Variants in PPM1L observed in about 807,000 individuals in gnomAD.
PPM1L encodes protein phosphatase, Mg2+/Mn2+ dependent 1L, also known as protein phosphatase 1L.
Under a neutral mutation model 31.4 loss-of-function variants are expected in PPM1L, and 13 were observed. That is an observed-to-expected ratio of 0.41 (90% confidence interval 0.27 to 0.66). The LOEUF (loss-of-function observed/expected upper bound fraction) is 0.66. Among genes scored for constraint, PPM1L ranks in the 30% least tolerant of loss-of-function variants. PPM1L has a pLI of 0.29. For synonymous variants in PPM1L, 184 were observed against 175.4 expected (o/e 1.05, Z -0.39); for missense variants, 326 against 453.7 (o/e 0.72, Z 2.56).
chr3:160,944,857 T>A lies in PPM1L; in HGVS notation c.400-16879T>A, dbSNP rs1250498346. Among the ~76,000 whole-genome samples, 8 of 42,596 alleles carry A rather than the reference T, an allele frequency of 1.9e-4. 1 individual carries two copies. The highest frequency in any genetic ancestry group is 5.2e-4 in the African/African-American group (8 of 15,466). 27.9% of individuals were successfully genotyped at this position (42,596 alleles called of 152,430 possible). A position where few individuals can be genotyped will look rare whatever the true frequency, so the allele number is the denominator to read the frequency against. On this transcript the variant is annotated intron_variant, in intron 1 of 3. Coordinates refer to ENST00000498165, the MANE Select transcript of PPM1L (RefSeq NM_139245.4). ...ATATATATGTTATATATAACATATA[T>A]TATATATAATGTTATATATAACATA... is the stretch of plus-strand genomic sequence containing the variant.
intron 2 of PPM1L, among the ~76,000 whole-genome samples, chr3:161,047,430 T>G (rs1719120537): frequency 6.6e-6 from 1 of 152,004 alleles, no homozygotes; most frequent in Non-Finnish European, 1.5e-5. Context: ...CTCAACAAAA[T>G]AAAAGAGGTT....
intron 1 of PPM1L, among the ~76,000 whole-genome samples, chr3:160,770,171 A>T (rs571558495): frequency 6.6e-6 from 1 of 152,218 alleles, no homozygotes; most frequent in Non-Finnish European, 1.5e-5. Flanking sequence ...CTTTTTTAAA[A>T]AGATATGCCA....
At position 160,756,752 on chromosome 3, in the gene PPM1L, CGTGTGTGTGTGT is replaced by C. The variant is rs113273287; in HGVS notation, c.399+72_399+83del. The C allele has an allele frequency of 9.1e-5, 93 of 1,016,680 alleles. No individual in the cohort carries two copies. The highest frequency in any genetic ancestry group is 5.8e-4 in the African/African-American group (32 of 55,386). 63.0% of individuals were successfully genotyped at this position (1,016,680 alleles called of 1,614,324 possible). ...TTTGTATTTGTGTCCGTGTATGTCT[CGTGTGTGTGTGT>C]GTGTGTGTGTGTGTGTGTGTGTGTG... On this transcript the variant is annotated intron_variant, in intron 1 of 3. Transcript: ENST00000498165. The surrounding 1 kb of genome is among the most constrained non-coding windows in gnomAD (Gnocchi z 6.2).
chr3:160,900,690 C>A (rs902491160), intron 1 of PPM1L, among the ~76,000 whole-genome samples: 1 of 152,010 alleles, frequency 6.6e-6, no homozygotes, highest in African/African-American at 2.4e-5. Context: ...ATAATAATTA[C>A]ATGTATTTAA....
At chr3:160,867,506 T>C (rs1712134589) in intron 1 of PPM1L, among the ~76,000 whole-genome samples, 1 of 148,298 alleles carries the variant, frequency 6.7e-6, no homozygotes, top group South Asian at 2.1e-4. Context: ...TACTTGACAC[T>C]TTCTTCACAT....
At chr3:160,762,630 G>A (rs1714998684) in intron 1 of PPM1L, among the ~76,000 whole-genome samples, 1 of 152,176 alleles carries the variant, frequency 6.6e-6, no homozygotes, top group Admixed American at 6.5e-5. Context: ...GACTGAAGGA[G>A]CTTGGGAAAT....
chr3:161,006,978 G>A (rs6806015), intron 2 of PPM1L, among the ~76,000 whole-genome samples: 45,760 of 152,052 alleles, frequency 0.3, 7,308 homozygotes, highest in East Asian at 0.63. Context: ...CACCGCGCCC[G>A]GCCCCCTACC....
chr3:160,898,891 T>C (rs570889162), intron 1 of PPM1L, among the ~76,000 whole-genome samples: 1 of 152,298 alleles, frequency 6.6e-6, no homozygotes, highest in African/African-American at 2.4e-5. Flanking sequence ...TAAGTTAACA[T>C]GCTCAAGATT....
chr3:161,061,776 C>T (rs2108107208), intron 2 of PPM1L, among the ~76,000 whole-genome samples: 1 of 152,258 alleles, frequency 6.6e-6, no homozygotes, highest in Non-Finnish European at 1.5e-5. Flanking sequence ...AACCAATCAC[C>T]AGCAGATCCC....
At chr3:160,987,802 T>C (rs992989391) in intron 2 of PPM1L, among the ~76,000 whole-genome samples, 1 of 152,224 alleles carries the variant, frequency 6.6e-6, no homozygotes, top group Non-Finnish European at 1.5e-5. Context: ...TCATTTCTGA[T>C]AGTAATGAAC....
intron 2 of PPM1L, 119 bp from the exon 3 acceptor site, chr3:161,065,284 G>A: frequency 2.2e-6 from 2 of 916,794 alleles, no homozygotes; most frequent in South Asian, 3.2e-5. Flanking sequence ...AGTGGCTGGA[G>A]TCAAATTCTC....
At chr3:160,854,480 G>C (rs917714371) in intron 1 of PPM1L, among the ~76,000 whole-genome samples, 3 of 152,116 alleles carry the variant, frequency 2.0e-5, no homozygotes, top group African/African-American at 7.2e-5. Context: ...GGAAAGCCTT[G>C]AATACCAGGC....
At position 160,786,127 on chromosome 3, in the gene PPM1L, T is replaced by TTC. The variant is rs147384969; in HGVS notation, c.399+29450_399+29451dup. On this transcript the variant is annotated intron_variant, in intron 1 of 3. Coordinates refer to ENST00000498165, the MANE Select transcript of PPM1L (RefSeq NM_139245.4). Reference sequence around the variant, plus strand: ...GTTGGATAAAGATGGAATCTCATTTTTCTCTCTCTCTCTCTCTCTCTCTCT... The same window carrying TTC: ...GTTGGATAAAGATGGAATCTCATTTTTCTCTCTCTCTCTCTCTCTCTCTCTCT... 4.8e-3 allele frequency among the ~76,000 whole-genome samples: 500 copies of TTC among 103,952 alleles called. 7 individuals are homozygous for TTC. Among genetic ancestry groups the TTC allele is most frequent in the Middle Eastern group, 0.019 (4 of 212 alleles). The allele number at this position is 103,952 out of a possible 152,430, so 68.2% of individuals were successfully genotyped here.
At chr3:160,975,741 T>A (rs1479321299) in intron 2 of PPM1L, among the ~76,000 whole-genome samples, 2 of 152,242 alleles carry the variant, frequency 1.3e-5, no homozygotes, top group Non-Finnish European at 1.5e-5. Context: ...GAGACTTTGC[T>A]AAAGTTGCTA....
intron 1 of PPM1L, among the ~76,000 whole-genome samples, chr3:160,781,289 A>G (rs1417676870): frequency 1.3e-5 from 2 of 152,154 alleles, no homozygotes; most frequent in East Asian, 3.8e-4. Flanking sequence ...GGATGGCCTT[A>G]TTATATGCTT....
chr3:161,051,312 AGTACTTT>A (rs973468396), intron 2 of PPM1L, among the ~76,000 whole-genome samples: 4 of 152,010 alleles, frequency 2.6e-5, no homozygotes, highest in Non-Finnish European at 4.4e-5. Context: ...GAAAACACCG[AGTACTTT>A]GTACATAGTA....
chr3:161,046,957 C>T (rs1050103615), intron 2 of PPM1L, among the ~76,000 whole-genome samples: 4 of 152,148 alleles, frequency 2.6e-5, no homozygotes, highest in African/African-American at 9.6e-5. Context: ...ATAAGAGCTA[C>T]TTATGACAAA....
intron 1 of PPM1L, among the ~76,000 whole-genome samples, chr3:160,786,187 GTATA>G (rs1190262298): frequency 5.1e-4 from 20 of 39,442 alleles, no homozygotes; most frequent in Admixed American, 2.0e-3. Flanking sequence ...GTGTGTGTGT[GTATA>G]TATATATATA....
intron 2 of PPM1L, among the ~76,000 whole-genome samples, chr3:161,029,971 T>G (rs1439851563): frequency 6.6e-6 from 1 of 152,230 alleles, no homozygotes; most frequent in Non-Finnish European, 1.5e-5. Flanking sequence ...AAGAAAAGAC[T>G]GAGCACAAGC....
Sources: allele counts gnomAD v4.1 joint callset (sites outside exome capture counted in the v4.1 genomes callset), GRCh38; gene constraint gnomAD v4.1.1; non-coding constraint Gnocchi (gnomAD v3.1); transcripts MANE v1.5; gene names NCBI Gene and HGNC (gene_info 2026-07-23, HGNC 2026-07-21).